FETUB: variants seen among roughly 807,000 people sequenced by gnomAD.
FETUB encodes fetuin B.
FETUB carries 28 observed loss-of-function variants against 30.9 expected under a neutral mutation model. That is an observed-to-expected ratio of 0.90 (90% CI 0.67 to 1.24). The LOEUF (loss-of-function observed/expected upper bound fraction) is 1.24. Among genes scored for constraint, FETUB ranks in the 50% most tolerant of loss-of-function variants. The pLI, the probability that FETUB is intolerant of heterozygous loss-of-function variation, is 0.00. For synonymous variants in FETUB, 186 were observed against 175.9 expected (o/e 1.06, Z -0.45); for missense variants, 469 against 455.3 (o/e 1.03, Z -0.27).
intron 5 of FETUB, among the ~76,000 whole-genome samples, chr3:186,648,972 G>T (rs1228386959): frequency 6.6e-6 from 1 of 152,108 alleles, no homozygotes; most frequent in African/African-American, 2.4e-5. Flanking sequence ...TTTAAATCTG[G>T]ATGCCACATG....
intron 2 of FETUB, 44 bp downstream of exon 2, chr3:186,641,184 C>G (rs980400218): frequency 8.8e-7 from 1 of 1,131,830 alleles, no homozygotes; most frequent in African/African-American, 1.5e-5. Context: ...CTAGGGAAAG[C>G]AAGTAGGTAC....
At chr3:186,642,290 G>A (rs181428734) in intron 2 of FETUB, 181 bp from the exon 3 acceptor site, 92 of 570,530 alleles carry the variant, frequency 1.6e-4, no homozygotes, top group African/African-American at 1.4e-3. Flanking sequence ...TATTCTAGCT[G>A]TGTCCTAGGG....
intron 3 of FETUB, 89 bp from the exon 4 acceptor site, chr3:186,644,662 A>T (rs2108525755): frequency 1.0e-6 from 1 of 973,474 alleles, no homozygotes; most frequent in Non-Finnish European, 1.5e-6. Context: ...TCCAGAGGTA[A>T]CTTCCTCACC....
chr3:186,645,779 T>C (rs1717467410), intron 4 of FETUB, among the ~76,000 whole-genome samples: 1 of 134,122 alleles, frequency 7.5e-6, no homozygotes, highest in African/African-American at 2.9e-5. Flanking sequence ...TAGGATAGAG[T>C]GCTGTGGCGC....
intron 2 of FETUB, chr3:186,642,245 T>C (rs1217479822): frequency 9.9e-6 from 5 of 503,508 alleles, no homozygotes; most frequent in African/African-American, 3.9e-5. Context: ...AACTCAATTA[T>C]ACACAGTCAC....
chr3:186,639,624 A>G (rs75828796), upstream of FETUB, among the ~76,000 whole-genome samples: 13,666 of 149,010 alleles, frequency 0.092, 747 homozygotes, highest in Non-Finnish European at 0.13. Context: ...GGTCCCAATA[A>G]GTAGAACCTT....
chr3:186,640,785 G>A, intron 1 of FETUB, 100 bp downstream of exon 1: 2 of 983,802 alleles, frequency 2.0e-6, no homozygotes, highest in Non-Finnish European at 3.2e-6. Flanking sequence ...GGTGTTTTCT[G>A]TATTGGAAGC....
chr3:186,652,831 CA>C lies in FETUB; in HGVS notation c.*201del. The C allele has an allele frequency of 1.7e-6, 1 of 581,452 alleles. No homozygotes were observed. Among genetic ancestry groups the C allele is most frequent in the Non-Finnish European group, 3.0e-6 (1 of 338,608 alleles). 36.0% of individuals were successfully genotyped at this position (581,452 alleles called of 1,614,324 possible). A position where few individuals can be genotyped will look rare whatever the true frequency, so the allele number is the denominator to read the frequency against. ...GGCTTGGGCTGCACTCTACCCTGTACACTGCCTTGTACCCTGAGCTGCATCA... is the reference window on the plus strand; with the variant it reads ...GGCTTGGGCTGCACTCTACCCTGTACCTGCCTTGTACCCTGAGCTGCATCA... On this transcript the variant is annotated 3_prime_UTR_variant, in exon 7 of 7. Transcript: ENST00000265029.
intron 5 of FETUB, among the ~76,000 whole-genome samples, chr3:186,649,919 C>T (rs1717862057): frequency 6.6e-6 from 1 of 152,124 alleles, no homozygotes; most frequent in Non-Finnish European, 1.5e-5. Flanking sequence ...TGAGTCATTT[C>T]ACTTAGAATA....
At position 186,651,078 on chromosome 3, in the gene FETUB, G is replaced by C. The variant is rs983963701; in HGVS notation, c.697-140G>C. On this transcript the variant is annotated intron_variant, in intron 5 of 6. Coordinates refer to ENST00000265029, the MANE Select transcript of FETUB (RefSeq NM_014375.3). ...TTTCTTGGTAGGGGTGATCTAGAAA[G>C]AATTGACTCAGAGTCTACCTGTTAC... 6 of 619,064 alleles carry C rather than the reference G, an allele frequency of 9.7e-6. No individual in the cohort carries two copies. In the African/African-American group the frequency reaches 1.1e-4, roughly 11 times the overall value. 38.3% of individuals were successfully genotyped at this position (619,064 alleles called of 1,614,324 possible).
chr3:186,650,860 T>C (rs1418227976), intron 5 of FETUB, among the ~76,000 whole-genome samples: 1 of 152,190 alleles, frequency 6.6e-6, no homozygotes, highest in African/African-American at 2.4e-5. Context: ...GGAACGCACT[T>C]AAAGGGCTGC....
Position 186,641,102 on chromosome 3 carries a change from G to A in FETUB, c.298G>A (p.Ala100Thr), listed in dbSNP as rs1560019746. The A allele has an allele frequency of 1.2e-6, 2 of 1,613,574 alleles. No homozygotes were observed. The highest frequency in any genetic ancestry group is 1.1e-5 in the South Asian group (1 of 91,056). The change falls in exon 2 of 7, where the codon GCA becomes ACA. Residue 100 changes from alanine to threonine, a missense_variant. Coordinates refer to ENST00000265029, the MANE Select transcript of FETUB (RefSeq NM_014375.3). ...ETDCHVLRKK[A>T]WQDCGMRIFF... ...TGACTGCCATGTGCTCAGAAAGAAG[G>A]CATGGCAAGACTGTGGAATGAGGAT...
At chr3:186,638,369 C>T (rs149260797), upstream of FETUB, among the ~76,000 whole-genome samples, 1 of 152,244 alleles carries the variant, frequency 6.6e-6, no homozygotes, top group East Asian at 1.9e-4. Flanking sequence ...TTTCTACAGG[C>T]AGGTGCAACT....
At chr3:186,640,249 T>C (rs1287178124), upstream of FETUB, 1 of 587,330 alleles carries the variant, frequency 1.7e-6, no homozygotes, top group East Asian at 2.8e-5. Context: ...TACAGGTGGA[T>C]ATGAGGTTGC....
chr3:186,641,204 A>G lies in FETUB; in HGVS notation c.336+64A>G, dbSNP rs192124491. 3.2e-4 allele frequency: 317 copies of G among 976,982 alleles called. 1 individual carries two copies. The African/African-American group carries it at 4.5e-3, about 14-fold the overall frequency. The allele number at this position is 976,982 out of a possible 1,614,324, so 60.5% of individuals were successfully genotyped here. Reference sequence around the variant, plus strand: ...GAAAGCAAGTAGGTACACTCTTTCTACAGGGTCAAGGGTGCTCAATATCTG... The same window carrying G: ...GAAAGCAAGTAGGTACACTCTTTCTGCAGGGTCAAGGGTGCTCAATATCTG... On this transcript the variant is annotated intron_variant, in intron 2 of 6. Transcript: ENST00000265029.
At chr3:186,648,306 A>C (rs1717715521) in intron 5 of FETUB, among the ~76,000 whole-genome samples, 1 of 152,156 alleles carries the variant, frequency 6.6e-6, no homozygotes, top group Non-Finnish European at 1.5e-5. Flanking sequence ...CATAAATGTA[A>C]GAGTTTATTT....
intron 5 of FETUB, among the ~76,000 whole-genome samples, chr3:186,648,166 C>T (rs72625023): frequency 0.11 from 16,753 of 152,130 alleles, 1,130 homozygotes; most frequent in East Asian, 0.23. Flanking sequence ...TTTTTGTACA[C>T]GGTGTGAGGC....
intron 1 of FETUB, 122 bp downstream of exon 1, chr3:186,640,807 C>A (rs766655964): frequency 7.3e-6 from 6 of 825,348 alleles, no homozygotes; most frequent in African/African-American, 1.7e-5. Context: ...CTGCCGAGAA[C>A]TCTCTGTTCT....
chr3:186,641,048 TTCTA>T lies in FETUB; in HGVS notation c.248_251del (p.Tyr83LeufsTer6). On this transcript the variant is annotated frameshift_variant, in exon 2 of 7. Transcript: ENST00000265029. LOFTEE classifies it high-confidence loss of function. ...CCCACAGGGTGGCCTGGGATCTCTG[TTCTA>T]TCTTACACTGGATGTGCTAGAGACT... The T allele has an allele frequency of 6.2e-7, 1 of 1,613,508 alleles. No individual in the cohort carries two copies. The highest frequency in any genetic ancestry group is 8.5e-7 in the Non-Finnish European group (1 of 1,179,446).
Sources: gnomAD v4.1 joint callset for allele counts (sites outside exome capture counted in the v4.1 genomes callset) on GRCh38, gnomAD v4.1.1 for gene constraint, MANE v1.5 for transcripts, NCBI Gene and HGNC (gene_info 2026-07-23, HGNC 2026-07-21) for gene names.